Variants in SLC8A1 observed in about 807,000 individuals in gnomAD.
The protein encoded by SLC8A1 is solute carrier family 8 member A1.
SLC8A1 carries 18 observed loss-of-function variants against 68.3 expected under a neutral mutation model. That is an observed-to-expected ratio of 0.26 (90% CI 0.18 to 0.39). The LOEUF is 0.39. SLC8A1 is among the 10% of genes least tolerant of loss of function. SLC8A1 has a pLI of 1.00. For missense variants in SLC8A1, 985 were observed against 1,156.7 expected (o/e 0.85, Z 2.15); for synonymous variants, 475 against 415.5 (o/e 1.14, Z -1.74).
At chr2:40,424,224 T>C (rs539974320) in intron 2 of SLC8A1, among the ~76,000 whole-genome samples, 17 of 151,968 alleles carry the variant, frequency 1.1e-4, no homozygotes, top group African/African-American at 4.1e-4. Flanking sequence ...ATTATCCTTC[T>C]GTTCTGATCA....
rs551151901 is a variant in SLC8A1, at chr2:40,316,055, T to C, written c.1808+112418A>G. ...AAAAAAACGTGATATGAAAGTCTTT[T>C]GTTCCCCAAGAAGGACCTGAATGTC... is the stretch of plus-strand genomic sequence containing the variant. On this transcript the variant is annotated intron_variant, in intron 2 of 7. Coordinates refer to ENST00000406785, the Ensembl canonical transcript of SLC8A1. Among the ~76,000 whole-genome samples the C allele has an allele frequency of 1.8e-4, 28 of 152,210 alleles. No individual in the cohort carries two copies. The East Asian group carries it at 5.0e-3, about 27-fold the overall frequency.
At chr2:40,310,846 A>G (rs899298799) in intron 2 of SLC8A1, among the ~76,000 whole-genome samples, 11 of 152,144 alleles carry the variant, frequency 7.2e-5, no homozygotes, top group Non-Finnish European at 1.6e-4. Flanking sequence ...CAGTTTAGCA[A>G]CCATTTACTC....
intron 2 of SLC8A1, among the ~76,000 whole-genome samples, chr2:40,388,895 T>C (rs190165607): frequency 6.6e-6 from 1 of 152,122 alleles, no homozygotes; most frequent in Non-Finnish European, 1.5e-5. Flanking sequence ...GAAAATTGCT[T>C]AAGACCTTGA....
At chr2:40,205,712 C>T (rs192985136) in intron 2 of SLC8A1, among the ~76,000 whole-genome samples, 2 of 150,770 alleles carry the variant, frequency 1.3e-5, no homozygotes, top group African/African-American at 4.9e-5. Flanking sequence ...GGCTTAATAA[C>T]TGGATGATGA....
chr2:40,160,869 A>G lies in SLC8A1; in HGVS notation c.2062-5T>C. On this transcript the variant is annotated splice_region_variant and splice_polypyrimidine_tract_variant and intron_variant, in intron 5 of 7. Transcript: ENST00000406785. ...AATGAGTTTGTCCACAGTACTCTAG[A>G]AATGTTGAAAAGAAAAATATAAATG... 1 of 1,606,828 alleles carries G rather than the reference A, an allele frequency of 6.2e-7. No homozygotes were observed. Among genetic ancestry groups the G allele is most frequent in the Non-Finnish European group, 8.5e-7 (1 of 1,173,894 alleles).
At chr2:40,341,387 G>C (rs1174928051) in intron 2 of SLC8A1, among the ~76,000 whole-genome samples, 1 of 152,166 alleles carries the variant, frequency 6.6e-6, no homozygotes. Context: ...CTTCTAGTTA[G>C]AATCATAACA....
intron 2 of SLC8A1, among the ~76,000 whole-genome samples, chr2:40,353,534 A>G (rs1671756131): frequency 6.6e-6 from 1 of 152,046 alleles, no homozygotes; most frequent in Non-Finnish European, 1.5e-5. Context: ...ATCAAGTCCA[A>G]CATTCTAATA....
chr2:40,417,490 A>G (rs569893120), intron 2 of SLC8A1, among the ~76,000 whole-genome samples: 1 of 152,086 alleles, frequency 6.6e-6, no homozygotes, highest in African/African-American at 2.4e-5. Flanking sequence ...GAATTTGACA[A>G]TTTTGTTTGT....
At chr2:40,430,267 C>T (rs139897746) in exon 2 of SLC8A1, 113 of 1,610,250 alleles carry the variant, frequency 7.0e-5, no homozygotes, top group African/African-American at 2.9e-4. Context: ...ACTTAATCGC[C>T]GCATGTTGTA....
intron 2 of SLC8A1, among the ~76,000 whole-genome samples, chr2:40,277,424 C>A (rs1350547127): frequency 3.9e-5 from 6 of 151,968 alleles, no homozygotes; most frequent in African/African-American, 1.5e-4. Flanking sequence ...CCTGTAATCC[C>A]AGCTATTCAG....
chr2:40,473,311 G>A (rs1704100207), intron 1 of SLC8A1, among the ~76,000 whole-genome samples: 1 of 152,090 alleles, frequency 6.6e-6, no homozygotes, highest in Admixed American at 6.6e-5. Flanking sequence ...CTATGGCCAA[G>A]TAAAATTTTC....
exon 8 of SLC8A1, chr2:40,107,029 T>A (rs1213150430): frequency 6.6e-6 from 1 of 151,666 alleles, no homozygotes; most frequent in Non-Finnish European, 1.5e-5. Context: ...AGATGATCAG[T>A]GTATATGAAA....
chr2:40,271,711 A>G (rs538566917), intron 2 of SLC8A1, among the ~76,000 whole-genome samples: 8 of 152,330 alleles, frequency 5.3e-5, no homozygotes, highest in Non-Finnish European at 1.0e-4. Flanking sequence ...AATTCAATGT[A>G]TATTTGATGA....
At chr2:40,327,653 G>A (rs1322929611) in intron 2 of SLC8A1, among the ~76,000 whole-genome samples, 1 of 152,080 alleles carries the variant, frequency 6.6e-6, no homozygotes, top group Non-Finnish European at 1.5e-5. Flanking sequence ...ATTAATGCAG[G>A]AACAGAAAAT....
At chr2:40,424,418 T>C (rs1393423453) in intron 2 of SLC8A1, among the ~76,000 whole-genome samples, 1 of 151,806 alleles carries the variant, frequency 6.6e-6, no homozygotes, top group East Asian at 1.9e-4. Flanking sequence ...ATATTTATTT[T>C]CCCTGGAATA....
intron 2 of SLC8A1, among the ~76,000 whole-genome samples, chr2:40,193,431 T>A (rs1221019144): frequency 6.6e-6 from 1 of 152,066 alleles, no homozygotes; most frequent in Non-Finnish European, 1.5e-5. Flanking sequence ...ATTATGCACC[T>A]CTATGTGTGT....
At chr2:40,423,480 G>A (rs1696050627) in intron 2 of SLC8A1, among the ~76,000 whole-genome samples, 1 of 151,954 alleles carries the variant, frequency 6.6e-6, no homozygotes, top group Non-Finnish European at 1.5e-5. Flanking sequence ...AGTATGTGCA[G>A]ATTAACTGAT....
chr2:40,160,393 CCT>C (rs2045458785), intron 6 of SLC8A1, among the ~76,000 whole-genome samples: 1 of 152,132 alleles, frequency 6.6e-6, no homozygotes, highest in African/African-American at 2.4e-5. Context: ...TCCCTTTCCA[CCT>C]AGGATTTTGC....
At chr2:40,321,656 T>A (rs2075205097) in intron 2 of SLC8A1, among the ~76,000 whole-genome samples, 2 of 151,906 alleles carry the variant, frequency 1.3e-5, no homozygotes, top group African/African-American at 4.8e-5. Context: ...AAGTGCCGAG[T>A]AAAAGCGGGA....
Sources: gnomAD v4.1 joint callset for allele counts (sites outside exome capture counted in the v4.1 genomes callset) on GRCh38, gnomAD v4.1.1 for gene constraint, MANE v1.5 for transcripts, NCBI Gene and HGNC (gene_info 2026-07-23, HGNC 2026-07-21) for gene names.